Variants in SCAF8 observed in about 807,000 individuals in gnomAD.
The protein encoded by SCAF8 is SR-related and CTD-associated factor 8.
A neutral mutation model predicts 140.5 loss-of-function variants in SCAF8; 23 were observed. That is an observed-to-expected ratio of 0.16 (90% CI 0.12 to 0.23). The LOEUF (loss-of-function observed/expected upper bound fraction) is 0.23, where lower values mean the gene tolerates loss of function less well. Ranked by LOEUF, SCAF8 falls within the 10% of genes least tolerant of loss-of-function variation. The pLI, the probability that SCAF8 is intolerant of heterozygous loss-of-function variation, is 1.00. For missense variants in SCAF8, 1,397 were observed against 1,555.7 expected, an observed-to-expected ratio of 0.90 and a Z score of 1.72; for synonymous variants, 575 against 528.9, an observed-to-expected ratio of 1.09 and a Z score of -1.20.
chr6:154,746,888 A>G lies in SCAF8; in HGVS notation c.30+12958A>G, dbSNP rs549151687. ...ATTTTTTTAGTATGTGAAACATTAA[A>G]GATAAATTAACTTTAATCATTTACT... On this transcript the variant is annotated intron_variant, in intron 1 of 19. Coordinates refer to ENST00000367178, the MANE Select transcript of SCAF8 (RefSeq NM_014892.5). 1.2e-4 allele frequency among the ~76,000 whole-genome samples: 18 copies of G among 152,338 alleles called. No individual in the cohort carries two copies. In the South Asian group the frequency reaches 3.7e-3, roughly 32 times the overall value.
chr6:154,767,995 C>T (rs903762551), intron 1 of SCAF8, among the ~76,000 whole-genome samples: 1 of 152,152 alleles, frequency 6.6e-6, no homozygotes, highest in Non-Finnish European at 1.5e-5. Context: ...ATATTAGAGT[C>T]TGTAGGTATG....
rs1322541882 is a variant in SCAF8 at position 154,832,583 on chromosome 6, C to A, written c.3004C>A (p.Pro1002Thr). 1.2e-6 allele frequency: 2 copies of A among 1,613,950 alleles called. No individual in the cohort carries two copies. Among genetic ancestry groups the A allele is most frequent in the Non-Finnish European group, 1.7e-6 (2 of 1,180,006 alleles). The change falls in exon 20 of 20, where the codon CCA becomes ACA. Residue 1002 changes from proline (P) to threonine (T), a missense_variant. Pro to Thr is a conservative substitution (Grantham distance 38, BLOSUM62 -1). Around this residue, in one of 5 missense-constraint regions of SCAF8, gnomAD observed 930 missense variants for 874.6 expected, o/e 1.06. Coordinates refer to ENST00000367178, the MANE Select transcript of SCAF8 (RefSeq NM_014892.5). ...DNVTNPEKRIPLGNDNIQQEG... is the reference protein window; with the variant it reads ...DNVTNPEKRITLGNDNIQQEG... Reference sequence around the variant, plus strand: ...TGTTACTAACCCAGAAAAAAGGATACCACTTGGGAATGATAACATTCAACA... The same window carrying A: ...TGTTACTAACCCAGAAAAAAGGATAACACTTGGGAATGATAACATTCAACA...
At chr6:154,820,147 T>C in intron 14 of SCAF8, 30 bp from the exon 15 acceptor site, 1 of 1,541,114 alleles carries the variant, frequency 6.5e-7, no homozygotes, top group Non-Finnish European at 8.7e-7. Context: ...ATGTATAACC[T>C]TTCTTTTTTC....
At chr6:154,806,746 G>T (rs1777926689) in intron 9 of SCAF8, among the ~76,000 whole-genome samples, 2 of 152,162 alleles carry the variant, frequency 1.3e-5, no homozygotes, top group Non-Finnish European at 2.9e-5. Context: ...AGAATTATGA[G>T]AATGGAATTT....
At chr6:154,796,990 A>AT (rs1325492316) in intron 6 of SCAF8, among the ~76,000 whole-genome samples, 1 of 152,036 alleles carries the variant, frequency 6.6e-6, no homozygotes, top group African/African-American at 2.4e-5. Flanking sequence ...CAAAAAAAAA[A>AT]AAAGAACCAC....
At position 154,819,226 on chromosome 6, in the gene SCAF8, T is replaced by C. The variant is rs564174306; in HGVS notation, c.1635+634T>C. 1.7e-4 allele frequency among the ~76,000 whole-genome samples: 26 copies of C among 152,342 alleles called. No homozygotes were observed. In the East Asian group the frequency reaches 4.6e-3, roughly 27 times the overall value. ...AAAGTTAATATATGCTCATCTTTTT[T>C]CATTCATGACTGAGTTTCTTGTGTA... On this transcript the variant is annotated intron_variant, in intron 14 of 19. Transcript: ENST00000367178.
At chr6:154,743,131 C>G (rs1225138949) in intron 1 of SCAF8, among the ~76,000 whole-genome samples, 2 of 152,126 alleles carry the variant, frequency 1.3e-5, no homozygotes, top group Non-Finnish European at 2.9e-5. Context: ...TGCTTCTTTG[C>G]TAGGGACTAT....
At chr6:154,815,957 A>T (rs753552389) in intron 13 of SCAF8, 141 bp downstream of exon 13, 7 of 491,596 alleles carry the variant, frequency 1.4e-5, no homozygotes, top group African/African-American at 1.9e-5. Context: ...TACTTTGATA[A>T]TGTCTGTGTT....
rs144184105 is a variant in SCAF8 at position 154,833,961 on chromosome 6, T to TA, written c.*572dup. 4,489 of 152,400 alleles carry TA rather than the reference T, an allele frequency of 0.029. 112 individuals are homozygous for TA. The highest frequency in any genetic ancestry group is 0.051 in the Admixed American group (775 of 15,280). The allele number at this position is 152,400 out of a possible 1,614,324, so 9.4% of individuals were successfully genotyped here. On this transcript the variant is annotated 3_prime_UTR_variant, in exon 20 of 20. Coordinates refer to ENST00000367178, the MANE Select transcript of SCAF8 (RefSeq NM_014892.5). ...GATTTGTTCCTCATACTGCAGTGAG[T>TA]AAAAAAGAAACAAGAAAACAACAAC...
chr6:154,734,065 G>C, intron 1 of SCAF8, 135 bp downstream of exon 1: 2 of 1,311,544 alleles, frequency 1.5e-6, no homozygotes, highest in Non-Finnish European at 9.8e-7. Flanking sequence ...CAGTGCCCGT[G>C]GGGGAGGGGT....
intron 1 of SCAF8, among the ~76,000 whole-genome samples, chr6:154,753,380 T>G (rs1778886774): frequency 6.6e-6 from 1 of 152,110 alleles, no homozygotes; most frequent in African/African-American, 2.4e-5. Flanking sequence ...GTCAGGAGAA[T>G]CGCTTGAACC....
Position 154,833,531 on chromosome 6 carries a change from T to A in SCAF8, c.*136T>A. 2 of 806,174 alleles carry A rather than the reference T, an allele frequency of 2.5e-6. No homozygotes were observed. The highest frequency in any genetic ancestry group is 3.9e-6 in the Non-Finnish European group (2 of 516,874). The allele number at this position is 806,174 out of a possible 1,614,324, so 49.9% of individuals were successfully genotyped here. ...TCTGATGTTCATGTTCACCTTTCTC[T>A]TAAAATAATTGTACAACTGACTTGT... On this transcript the variant is annotated 3_prime_UTR_variant, in exon 20 of 20. Transcript: ENST00000367178.
chr6:154,829,210 TGTG>T (rs1261383655), intron 18 of SCAF8, among the ~76,000 whole-genome samples: 5 of 151,686 alleles, frequency 3.3e-5, no homozygotes. Context: ...TCTTTGTAGA[TGTG>T]GTGCCAGTTT....
rs1778443510 is a variant in SCAF8 at position 154,822,357 on chromosome 6, C to A, written c.1874C>A (p.Thr625Lys). ...TQSPTPVEKE[T>K]VVTTQAEVFP... ...AGCCCAACTCCAGTTGAAAAGGAGA[C>A]AGTGGTCACAACCCAGGCAGAGGTT... Residue 625 changes from threonine to lysine, a missense_variant, in exon 16 of 20, where the codon ACA becomes AAA. Coordinates refer to ENST00000367178, the MANE Select transcript of SCAF8 (RefSeq NM_014892.5). 1.2e-6 allele frequency: 2 copies of A among 1,613,580 alleles called. No individual in the cohort carries two copies. The highest frequency in any genetic ancestry group is 2.7e-5 in the African/African-American group (2 of 74,896).
At chr6:154,822,178 G>C in intron 15 of SCAF8, 98 bp from the exon 16 acceptor site, 2 of 1,268,524 alleles carry the variant, frequency 1.6e-6, no homozygotes, top group Non-Finnish European at 2.2e-6. Context: ...GATGTGCCAA[G>C]GTAGATGAAG....
Position 154,795,020 on chromosome 6 carries a change from A to G in SCAF8, c.487A>G (p.Thr163Ala). 1 of 1,602,654 alleles carries G rather than the reference A, an allele frequency of 6.2e-7. No homozygotes were observed. The highest frequency in any genetic ancestry group is 8.5e-7 in the Non-Finnish European group (1 of 1,176,618). The change falls in exon 6 of 20, where the codon ACA becomes GCA. Residue 163 changes from threonine (T) to alanine (A), a missense_variant. Coordinates refer to ENST00000367178, the MANE Select transcript of SCAF8 (RefSeq NM_014892.5). ...GTTCTTTTTAAAAGGAACTCCTGTGACACCTGTTACTCCGGCCAATGTGGT... is the reference window on the plus strand; with the variant it reads ...GTTCTTTTTAAAAGGAACTCCTGTGGCACCTGTTACTCCGGCCAATGTGGT... ...AMSNTPGTPVTPVTPANVVQG... is the reference protein window; with the variant it reads ...AMSNTPGTPVAPVTPANVVQG...
Position 154,832,693 on chromosome 6 carries a change from G to T in SCAF8, c.3114G>T (p.Val1038=). 6.2e-7 allele frequency: 1 copy of T among 1,614,024 alleles called. No homozygotes were observed. The highest frequency in any genetic ancestry group is 8.5e-7 in the Non-Finnish European group (1 of 1,179,992). Reference sequence around the variant, plus strand: ...CTCCCCCTGTGGATGTTAGAGATGTGGTTGGGCGGCCTATAGATCCAAGAG... The same window carrying T: ...CTCCCCCTGTGGATGTTAGAGATGTTGTTGGGCGGCCTATAGATCCAAGAG... ...SRPPPVDVRD[V]VGRPIDPREG... The change falls in exon 20 of 20, where the codon GTG becomes GTT. Residue 1038 remains valine, a synonymous_variant. Coordinates refer to ENST00000367178, the MANE Select transcript of SCAF8 (RefSeq NM_014892.5).
chr6:154,793,512 A>G (rs1013745099), intron 5 of SCAF8, among the ~76,000 whole-genome samples: 10 of 151,908 alleles, frequency 6.6e-5, no homozygotes, highest in African/African-American at 2.4e-4. Flanking sequence ...ATTTTTATGA[A>G]AAAATTTTTA....
At chr6:154,822,063 C>T in intron 15 of SCAF8, 1 of 400,070 alleles carries the variant, frequency 2.5e-6, no homozygotes, top group South Asian at 9.8e-5. Context: ...AGTGTCTTTC[C>T]TTTGTGTCTC....
Sources: allele counts gnomAD v4.1 joint callset (sites outside exome capture counted in the v4.1 genomes callset), GRCh38; gene constraint gnomAD v4.1.1; regional missense constraint gnomAD v4.1.1; transcripts MANE v1.5; gene names NCBI Gene and HGNC (gene_info 2026-07-23, HGNC 2026-07-21).